Variants in NCOA4 observed in about 807,000 individuals in gnomAD.
The protein encoded by NCOA4 is 70 kDa AR-activator.
NCOA4 carries 31 observed loss-of-function variants against 69.5 expected under a neutral mutation model. That is an observed-to-expected ratio of 0.45 (90% CI 0.34 to 0.60). The LOEUF is 0.60. Ranked by LOEUF, NCOA4 falls within the 20% of genes least tolerant of loss-of-function variation. The pLI is 0.02. For synonymous variants in NCOA4, 228 were observed against 252.4 expected, an observed-to-expected ratio of 0.90 and a Z score of 0.92; for missense variants, 600 against 719.2, an observed-to-expected ratio of 0.83 and a Z score of 1.90.
intron 1 of NCOA4, among the ~76,000 whole-genome samples, chr10:46,021,771 C>T (rs1217163075): frequency 6.6e-6 from 1 of 152,082 alleles, no homozygotes; most frequent in African/African-American, 2.4e-5. Flanking sequence ...ACCAGCCTGA[C>T]CAACATGGAG....
chr10:46,016,897 T>A (rs1554923387), intron 1 of NCOA4, among the ~76,000 whole-genome samples: 1 of 152,218 alleles, frequency 6.6e-6, no homozygotes, highest in South Asian at 2.1e-4. Context: ...CATAAAACTC[T>A]ATAATCTACT....
intron 1 of NCOA4, among the ~76,000 whole-genome samples, chr10:46,022,689 T>C (rs1025746499): frequency 8.5e-5 from 13 of 152,170 alleles, no homozygotes; most frequent in African/African-American, 3.1e-4. Context: ...ATGGTCTCGA[T>C]CTCCTGACCT....
At chr10:46,016,971 G>A (rs1421930219) in intron 1 of NCOA4, among the ~76,000 whole-genome samples, 2 of 152,152 alleles carry the variant, frequency 1.3e-5, no homozygotes, top group Non-Finnish European at 2.9e-5. Flanking sequence ...CTGAATCAAA[G>A]AGCATACAGT....
At chr10:46,020,627 TAATA>T (rs1442552714) in intron 1 of NCOA4, among the ~76,000 whole-genome samples, 4 of 152,222 alleles carry the variant, frequency 2.6e-5, no homozygotes, top group African/African-American at 9.6e-5. Flanking sequence ...CGTGCTTATT[TAATA>T]AATATTAGAT....
chr10:46,025,980 G>C (rs1276146801), intron 1 of NCOA4, among the ~76,000 whole-genome samples: 1 of 152,178 alleles, frequency 6.6e-6, no homozygotes, highest in Non-Finnish European at 1.5e-5. Flanking sequence ...TCGACATAAA[G>C]AGAAAATGTC....
chr10:46,012,149 A>G (rs1379227766), intron 7 of NCOA4, among the ~76,000 whole-genome samples: 1 of 147,666 alleles, frequency 6.8e-6, no homozygotes, highest in Non-Finnish European at 1.5e-5. Flanking sequence ...AAGAAAAAAC[A>G]AAAGCAAAAT....
Position 46,016,599 on chromosome 10 carries a change from C to T in NCOA4, c.82G>A (p.Glu28Lys). ...LRCSDARRDLELAIGGVLRAE... is the reference protein window; with the variant it reads ...LRCSDARRDLKLAIGGVLRAE... ...CGGAGAACTCCACCAATAGCAAGCTCCAAGTCCCTCCGTGCATCACTACAC... is the reference window on the plus strand; with the variant it reads ...CGGAGAACTCCACCAATAGCAAGCTTCAAGTCCCTCCGTGCATCACTACAC... Residue 28 changes from glutamate (E) to lysine (K), a missense_variant, in exon 2 of 10, where the codon GAG becomes AAG. Physicochemically the swap from Glu to Lys is moderately conservative, Grantham distance 56. Transcript: ENST00000581486. 1 of 1,568,588 alleles carries T rather than the reference C, an allele frequency of 6.4e-7. No individual in the cohort carries two copies.
chr10:46,017,295 C>G (rs1208457795), intron 1 of NCOA4, among the ~76,000 whole-genome samples: 1 of 152,070 alleles, frequency 6.6e-6, no homozygotes, highest in East Asian at 1.9e-4. Context: ...ACCTGTAATT[C>G]TAGTACTTTG....
intron 5 of NCOA4, among the ~76,000 whole-genome samples, chr10:46,013,906 C>A (rs1839379797): frequency 6.6e-6 from 1 of 152,074 alleles, no homozygotes; most frequent in African/African-American, 2.4e-5. Flanking sequence ...CTATTCAAGC[C>A]ATAAATTTTA....
intron 9 of NCOA4, chr10:46,009,084 G>C (rs781782806): frequency 1.0e-5 from 13 of 1,269,240 alleles, no homozygotes; most frequent in Non-Finnish European, 1.4e-5. Context: ...CTCTTTATTG[G>C]GATATTTGCT....
intron 4 of NCOA4, 59 bp downstream of exon 4, chr10:46,014,795 T>A (rs1590162729): frequency 1.4e-6 from 2 of 1,403,942 alleles, no homozygotes; most frequent in East Asian, 4.6e-5. Flanking sequence ...AAATCGACTT[T>A]CTTTTAGTAT....
chr10:46,017,564 A>G lies in NCOA4; in HGVS notation c.-14-870T>C, dbSNP rs138992625. ...TCTCAAAACAACAACAAAAAAGAAT[A>G]TAACAGATATAGAGATACATGTTTT... On this transcript the variant is annotated intron_variant, in intron 1 of 9. Coordinates refer to ENST00000581486, the MANE Select transcript of NCOA4 (RefSeq NM_001145263.2). Among the ~76,000 whole-genome samples the G allele has an allele frequency of 2.2e-4, 33 of 152,328 alleles. No homozygotes were observed. The East Asian group carries it at 6.0e-3, about 28-fold the overall frequency.
At chr10:46,012,672 T>C (rs1322143916) in intron 7 of NCOA4, among the ~76,000 whole-genome samples, 1 of 152,136 alleles carries the variant, frequency 6.6e-6, no homozygotes, top group Non-Finnish European at 1.5e-5. Context: ...TATGGGTTTG[T>C]GGGCTTTTTT....
chr10:46,028,434 T>A (rs1398231709), intron 1 of NCOA4, among the ~76,000 whole-genome samples: 1 of 152,000 alleles, frequency 6.6e-6, no homozygotes, highest in African/African-American at 2.4e-5. Flanking sequence ...AGTAAATGAA[T>A]TCAGTAAGTA....
In NCOA4 at chr10:46,014,934, G is replaced by T. The variant is rs782201345; in HGVS notation, c.291C>A (p.Gly97=). The T allele has an allele frequency of 1.2e-6, 2 of 1,613,556 alleles. No homozygotes were observed. Among genetic ancestry groups the T allele is most frequent in the Admixed American group, 1.7e-5 (1 of 59,930 alleles). Reference sequence around the variant, plus strand: ...GTTGATGAGTAAGACAATTGAACTGGCCCAATAACTAAAAGAAAAATGAAA... The same window carrying T: ...GTTGATGAGTAAGACAATTGAACTGTCCCAATAACTAAAAGAAAAATGAAA... ...QQAQQLYSLL[G]QFNCLTHQLE... is the part of the protein sequence containing the mutation. The change falls in exon 4 of 10, where the codon GGC becomes GGA. Residue 97 remains glycine (G), a synonymous_variant. Coordinates refer to ENST00000581486, the MANE Select transcript of NCOA4 (RefSeq NM_001145263.2).
At chr10:46,020,548 C>T (rs1167917933) in intron 1 of NCOA4, among the ~76,000 whole-genome samples, 1 of 152,162 alleles carries the variant, frequency 6.6e-6, no homozygotes, top group African/African-American at 2.4e-5. Flanking sequence ...CACCATTTGC[C>T]CTTGTGGAAC....
intron 9 of NCOA4, among the ~76,000 whole-genome samples, chr10:46,007,303 A>G (rs1353567695): frequency 6.6e-6 from 1 of 152,198 alleles, no homozygotes; most frequent in African/African-American, 2.4e-5. Flanking sequence ...GAGGTCAGGA[A>G]CCAGAAGTCA....
At position 46,010,413 on chromosome 10, in the gene NCOA4, T is replaced by C. The variant is rs782249043; in HGVS notation, c.1508A>G (p.Tyr503Cys). ...PLSEWLIRPP[Y>C]KEGSPKEVPG... Reference sequence around the variant, plus strand: ...CACTTCCTTGGGACTTCCTTCTTTGTATGGGGGCCTGATAAGCCACTCCGA... The same window carrying C: ...CACTTCCTTGGGACTTCCTTCTTTGCATGGGGGCCTGATAAGCCACTCCGA... The change falls in exon 8 of 10, where the codon TAC becomes TGC. Residue 503 changes from tyrosine (Y) to cysteine (C), a missense_variant. Physicochemically the swap from Tyr to Cys is radical, Grantham distance 194. Coordinates refer to ENST00000581486, the MANE Select transcript of NCOA4 (RefSeq NM_001145263.2). The C allele has an allele frequency of 3.1e-6, 5 of 1,614,168 alleles. No individual in the cohort carries two copies. Among genetic ancestry groups the C allele is most frequent in the Admixed American group, 3.3e-5 (2 of 60,024 alleles).
rs537139451 is a variant in NCOA4 at position 46,009,683 on chromosome 10, A to C, written c.1699-132T>G. 2.2e-4 allele frequency: 178 copies of C among 826,530 alleles called. 5 individuals are homozygous for C. The Admixed American group carries it at 4.9e-3, about 23-fold the overall frequency. The allele number at this position is 826,530 out of a possible 1,614,324, so 51.2% of individuals were successfully genotyped here. A position where few individuals can be genotyped will look rare whatever the true frequency, so the allele number is the denominator to read the frequency against. On this transcript the variant is annotated intron_variant, in intron 8 of 9. Transcript: ENST00000581486. ...TCTGTAACAACCAAAAACAAAGGTG[A>C]CAATTGTTATTTCTACCCCAAATAT...
Sources: gnomAD v4.1 joint callset for allele counts (sites outside exome capture counted in the v4.1 genomes callset) on GRCh38, gnomAD v4.1.1 for gene constraint, MANE v1.5 for transcripts, NCBI Gene and HGNC (gene_info 2026-07-23, HGNC 2026-07-21) for gene names.